Variants in GRAMD1B observed in about 807,000 individuals in gnomAD.
GRAMD1B encodes the protein protein Aster-B.
In GRAMD1B, 37 loss-of-function variants were observed where a neutral mutation model predicts 99.7. The ratio of observed to expected loss-of-function variants is 0.37; its 90% CI spans 0.29 to 0.49. The LOEUF (loss-of-function observed/expected upper bound fraction) is 0.49. Among genes scored for constraint, GRAMD1B ranks in the 20% least tolerant of loss-of-function variants. The pLI is 0.98. For synonymous variants in GRAMD1B, 427 were observed against 387.6 expected (o/e 1.10, Z -1.19); for missense variants, 888 against 1,009.2 (o/e 0.88, Z 1.63).
intron 2 of GRAMD1B, among the ~76,000 whole-genome samples, chr11:123,554,525 C>CAAAAAAAAAA (rs750680684): frequency 1.2e-5 from 1 of 86,522 alleles, no homozygotes; most frequent in African/African-American, 3.4e-5. Flanking sequence ...CCCATCTTTA[C>CAAAAAAAAAA]AAAAAAAAAA....
At chr11:123,564,641 C>T (rs534599813) in intron 2 of GRAMD1B, among the ~76,000 whole-genome samples, 1 of 152,220 alleles carries the variant, frequency 6.6e-6, no homozygotes, top group East Asian at 1.9e-4. Flanking sequence ...TCCCCAATGC[C>T]TAAACCTTTA....
chr11:123,605,572 AGAG>A, intron 10 of GRAMD1B, 94 bp downstream of exon 10: 8 of 992,136 alleles, frequency 8.1e-6, no homozygotes, highest in Non-Finnish European at 1.2e-5. Context: ...GAGCAGGTAG[AGAG>A]GAGATTGGTT....
chr11:123,573,613 T>C (rs529578566), intron 2 of GRAMD1B, among the ~76,000 whole-genome samples: 3 of 152,338 alleles, frequency 2.0e-5, no homozygotes, highest in Admixed American at 2.0e-4. Flanking sequence ...TTGGGTGAAT[T>C]ATTTAATCTG....
At chr11:123,411,612 A>G (rs1948055657) in intron 1 of GRAMD1B, among the ~76,000 whole-genome samples, 1 of 152,028 alleles carries the variant, frequency 6.6e-6, no homozygotes, top group Non-Finnish European at 1.5e-5. Flanking sequence ...CACATTCCTG[A>G]TTTTTTCATT....
chr11:123,388,935 A>G (rs1434133300), intron 1 of GRAMD1B, among the ~76,000 whole-genome samples: 1 of 152,182 alleles, frequency 6.6e-6, no homozygotes, highest in Non-Finnish European at 1.5e-5. Flanking sequence ...AGACCAAGAC[A>G]TTCAGTCCGG....
intron 2 of GRAMD1B, among the ~76,000 whole-genome samples, chr11:123,552,474 CA>C (rs1458652648): frequency 2.0e-5 from 3 of 151,918 alleles, no homozygotes; most frequent in African/African-American, 7.3e-5. Context: ...GGGGTTTCAC[CA>C]TGCTGGCCAG....
At chr11:123,365,508 T>C (rs1415806337) in intron 1 of GRAMD1B, among the ~76,000 whole-genome samples, 4 of 152,220 alleles carry the variant, frequency 2.6e-5, no homozygotes, top group East Asian at 3.8e-4. Flanking sequence ...CACCTTAGCC[T>C]CCCAAAGTGT....
chr11:123,581,589 C>T (rs7117990), intron 3 of GRAMD1B, among the ~76,000 whole-genome samples: 10,047 of 152,238 alleles, frequency 0.066, 588 homozygotes, highest in African/African-American at 0.16. Flanking sequence ...AGGGGGGACC[C>T]ATTTTTCCTG....
chr11:123,598,229 C>T, intron 7 of GRAMD1B: 2 of 1,402,480 alleles, frequency 1.4e-6, no homozygotes, highest in South Asian at 1.2e-5. Flanking sequence ...CCACAGATCT[C>T]ACAGTTGTAG....
intron 2 of GRAMD1B, among the ~76,000 whole-genome samples, chr11:123,491,154 G>A (rs1280089763): frequency 1.8e-4 from 27 of 152,174 alleles, no homozygotes; most frequent in Admixed American, 1.4e-3. Context: ...CCAAAATGAT[G>A]AAACCCTGTC....
chr11:123,367,189 C>A (rs1173508599), intron 1 of GRAMD1B, among the ~76,000 whole-genome samples: 2 of 152,136 alleles, frequency 1.3e-5, no homozygotes, highest in South Asian at 2.1e-4. Context: ...GGCAACAGAG[C>A]AAGACCCTGT....
chr11:123,591,506 C>T lies in GRAMD1B; in HGVS notation c.685-2576C>T. 1 of 399,022 alleles carries T rather than the reference C, an allele frequency of 2.5e-6. No homozygotes were observed. The highest frequency in any genetic ancestry group is 3.6e-5 in the East Asian group (1 of 28,066). 24.7% of individuals were successfully genotyped at this position (399,022 alleles called of 1,614,324 possible). A position where few individuals can be genotyped will look rare whatever the true frequency, so the allele number is the denominator to read the frequency against. ...TGGCCATGCACCTGCTGCCGCTGAACACCGTTGCTGGCACGGATCTGAGGA... is the reference window on the plus strand; with the variant it reads ...TGGCCATGCACCTGCTGCCGCTGAATACCGTTGCTGGCACGGATCTGAGGA... On this transcript the variant is annotated intron_variant, in intron 4 of 19. Coordinates refer to ENST00000635736, the MANE Select transcript of GRAMD1B (RefSeq NM_001387025.1). This position sits in a 1 kb window ranked among gnomAD's most constrained non-coding sequence, Gnocchi z 4.7.
At chr11:123,487,457 C>A (rs1018090014) in intron 2 of GRAMD1B, among the ~76,000 whole-genome samples, 2 of 152,136 alleles carry the variant, frequency 1.3e-5, no homozygotes, top group African/African-American at 4.8e-5. Flanking sequence ...TGCTGCAGCG[C>A]CATATCCTAG....
In GRAMD1B at chr11:123,533,405, TTTTA is replaced by T. The variant is rs569720668; in HGVS notation, c.453-43946_453-43943del. On this transcript the variant is annotated intron_variant, in intron 2 of 19. Transcript: ENST00000635736. The stretch of plus-strand genomic sequence containing the variant: ...TGTCTAACATTTAATTCACTCTATA[TTTTA>T]TTTATTTATTTATTTTTATTTTATT... Among the ~76,000 whole-genome samples, 25 of 152,092 alleles carry T rather than the reference TTTTA, an allele frequency of 1.6e-4. 1 individual carries two copies. The South Asian group carries it at 2.1e-3, about 13-fold the overall frequency.
intron 1 of GRAMD1B, among the ~76,000 whole-genome samples, chr11:123,401,547 G>C (rs896065813): frequency 6.6e-6 from 1 of 152,230 alleles, no homozygotes; most frequent in Non-Finnish European, 1.5e-5. Flanking sequence ...AAGTGTTGCT[G>C]TAAGAGGCTC....
At chr11:123,495,525 T>C (rs945394741) in intron 2 of GRAMD1B, among the ~76,000 whole-genome samples, 14 of 152,156 alleles carry the variant, frequency 9.2e-5, no homozygotes, top group Non-Finnish European at 1.6e-4. Flanking sequence ...ATTTTTTCTG[T>C]ACCCATTGAT....
At chr11:123,608,173 A>G (rs1953005161) in intron 11 of GRAMD1B, 1 of 289,608 alleles carries the variant, frequency 3.5e-6, no homozygotes, top group East Asian at 7.3e-5. Flanking sequence ...GACCAGCCCC[A>G]GCCTTAGCAG....
chr11:123,464,459 A>G (rs1295700733), intron 1 of GRAMD1B, among the ~76,000 whole-genome samples: 2 of 152,228 alleles, frequency 1.3e-5, no homozygotes, highest in Non-Finnish European at 1.5e-5. Context: ...GGGAGTATAC[A>G]TGGCAGAAAT....
At chr11:123,476,157 G>A (rs576976426) in intron 1 of GRAMD1B, among the ~76,000 whole-genome samples, 2 of 151,542 alleles carry the variant, frequency 1.3e-5, no homozygotes, top group South Asian at 4.2e-4. Flanking sequence ...CTGGAGGGCA[G>A]TGGCACGATC....
Sources: gnomAD v4.1 joint callset for allele counts (sites outside exome capture counted in the v4.1 genomes callset) on GRCh38, gnomAD v4.1.1 for gene constraint, Gnocchi (gnomAD v3.1) non-coding constraint, MANE v1.5 for transcripts, NCBI Gene and HGNC (gene_info 2026-07-23, HGNC 2026-07-21) for gene names.